Variants in EYS observed in about 807,000 individuals in gnomAD.
EYS encodes the protein protein eyes shut homolog.
A neutral mutation model predicts 282.1 loss-of-function variants in EYS; 250 were observed. The observed-to-expected ratio is 0.89, with a 90% confidence interval of 0.80 to 0.98. The LOEUF (loss-of-function observed/expected upper bound fraction) is 0.98, where lower values mean the gene tolerates loss of function less well. Ranked by LOEUF, EYS falls within the 50% of genes least tolerant of loss-of-function variation. EYS has a pLI of 0.00. For missense variants in EYS, 4,016 were observed against 3,709.0 expected (o/e 1.08, Z -2.15); for synonymous variants, 1,355 against 1,282.9 (o/e 1.06, Z -1.20).
intron 22 of EYS, among the ~76,000 whole-genome samples, chr6:64,689,129 G>T (rs577462177): frequency 6.6e-6 from 1 of 152,198 alleles, no homozygotes; most frequent in South Asian, 2.1e-4. Flanking sequence ...AAAGTCTCAG[G>T]ATACAAAATC....
At chr6:65,326,147 G>A (rs920491057) in intron 11 of EYS, among the ~76,000 whole-genome samples, 1 of 151,814 alleles carries the variant, frequency 6.6e-6, no homozygotes, top group Non-Finnish European at 1.5e-5. Context: ...GAATGTTTTT[G>A]GAGTGTATAC....
intron 35 of EYS, among the ~76,000 whole-genome samples, chr6:63,979,901 A>G (rs1181547521): frequency 6.6e-6 from 1 of 151,940 alleles, no homozygotes; most frequent in African/African-American, 2.4e-5. Flanking sequence ...GCAGAATGAC[A>G]TTTGCTCAGT....
intron 31 of EYS, among the ~76,000 whole-genome samples, chr6:64,168,460 G>T (rs955133690): frequency 3.9e-5 from 6 of 151,970 alleles, no homozygotes; most frequent in African/African-American, 1.5e-4. Context: ...CTAAGCAAGA[G>T]AAATAAAAAC....
chr6:64,060,047 A>G (rs1771112692), intron 33 of EYS, among the ~76,000 whole-genome samples: 1 of 152,138 alleles, frequency 6.6e-6, no homozygotes, highest in Non-Finnish European at 1.5e-5. Flanking sequence ...TGACATGGCA[A>G]CATTTTATGA....
intron 35 of EYS, among the ~76,000 whole-genome samples, chr6:63,959,153 C>A (rs148575229): frequency 0.015 from 2,331 of 152,028 alleles, 59 homozygotes; most frequent in African/African-American, 0.053. Flanking sequence ...TCTAAAAGGA[C>A]CTTAAACAAA....
chr6:65,543,569 G>T (rs1392970955), intron 2 of EYS, among the ~76,000 whole-genome samples: 1 of 151,294 alleles, frequency 6.6e-6, no homozygotes, highest in Non-Finnish European at 1.5e-5. Context: ...ATAGAAAAGG[G>T]AATCTCTCAG....
intron 33 of EYS, among the ~76,000 whole-genome samples, chr6:64,015,647 G>A (rs1000261761): frequency 2.6e-5 from 4 of 152,178 alleles, no homozygotes; most frequent in African/African-American, 9.7e-5. Context: ...AGAAATGTAG[G>A]TGATAGGTGA....
rs923868709 is a variant in EYS, at chr6:64,241,425, C to G, written c.6192-10601G>C. ...AATTTCTGTCTCAATTTCCAATATT[C>G]GACTATTCAGGGATTTGACTTCTTC... On this transcript the variant is annotated intron_variant, in intron 30 of 42. Coordinates refer to ENST00000503581, the MANE Select transcript of EYS (RefSeq NM_001142800.2). Among the ~76,000 whole-genome samples, 6 of 151,664 alleles carry G rather than the reference C, an allele frequency of 4.0e-5. 1 individual carries two copies. In the South Asian group the frequency reaches 1.0e-3, roughly 26 times the overall value.
intron 26 of EYS, among the ~76,000 whole-genome samples, chr6:64,489,710 G>A (rs13212894): frequency 0.32 from 47,446 of 150,026 alleles, 7,592 homozygotes; most frequent in East Asian, 0.5. Context: ...ATTGACATTA[G>A]ATAAATTGAA....
chr6:65,648,535 TA>T (rs1689485217), intron 1 of EYS, among the ~76,000 whole-genome samples: 1 of 152,054 alleles, frequency 6.6e-6, no homozygotes, highest in African/African-American at 2.4e-5. Flanking sequence ...AATGATACAA[TA>T]GACTTTGGGG....
At chr6:65,294,574 AC>A (rs1249814340) in intron 12 of EYS, among the ~76,000 whole-genome samples, 3 of 151,830 alleles carry the variant, frequency 2.0e-5, no homozygotes, top group Non-Finnish European at 4.4e-5. Flanking sequence ...ATAACGTACA[AC>A]CAATATAGAG....
chr6:64,533,887 G>C (rs1764432741), intron 26 of EYS, among the ~76,000 whole-genome samples: 1 of 151,622 alleles, frequency 6.6e-6, no homozygotes. Context: ...ATTGGTTAAA[G>C]CAAACATAAC....
chr6:64,085,595 T>G (rs902800637), intron 31 of EYS, among the ~76,000 whole-genome samples: 1 of 152,182 alleles, frequency 6.6e-6, no homozygotes, highest in African/African-American at 2.4e-5. Context: ...AAGAATACTT[T>G]CTAGTTAAAT....
intron 22 of EYS, among the ~76,000 whole-genome samples, chr6:64,732,275 G>A (rs1772000502): frequency 1.3e-5 from 2 of 150,518 alleles, no homozygotes; most frequent in Admixed American, 1.3e-4. Context: ...AAACCTGCAT[G>A]TTCTGCACAT....
intron 1 of EYS, among the ~76,000 whole-genome samples, chr6:65,658,034 A>G (rs1331500508): frequency 6.6e-6 from 1 of 151,794 alleles, no homozygotes; most frequent in East Asian, 1.9e-4. Context: ...AGATATGCAC[A>G]TTGTTTTTTA....
rs147262616 is a variant in EYS, at chr6:64,450,829, A to C, written c.5645-11477T>G. ...AGCAACGAGAACAAAGACACAACAT[A>C]TCAGAATCTCAGGGACACATTCAAA... On this transcript the variant is annotated intron_variant, in intron 26 of 42. Coordinates refer to ENST00000503581, the MANE Select transcript of EYS (RefSeq NM_001142800.2). Among the ~76,000 whole-genome samples the C allele has an allele frequency of 5.6e-4, 85 of 152,348 alleles. 2 individuals carry two copies. In the East Asian group the frequency reaches 0.011, roughly 20 times the overall value.
At chr6:64,864,247 T>C (rs1366851324) in intron 19 of EYS, among the ~76,000 whole-genome samples, 3 of 151,940 alleles carry the variant, frequency 2.0e-5, no homozygotes, top group Admixed American at 6.6e-5. Context: ...TCATCCACTG[T>C]CCCCCTTGGT....
intron 31 of EYS, among the ~76,000 whole-genome samples, chr6:64,213,257 A>T (rs1038551101): frequency 2.0e-5 from 3 of 151,072 alleles, no homozygotes; most frequent in Non-Finnish European, 4.4e-5. Flanking sequence ...TTTGAAGGGG[A>T]CATTAAAACC....
At chr6:64,063,880 C>T (rs1028538621) in intron 33 of EYS, among the ~76,000 whole-genome samples, 1 of 152,022 alleles carries the variant, frequency 6.6e-6, no homozygotes, top group African/African-American at 2.4e-5. Context: ...CAGGCACGTG[C>T]CACCATGCCT....
Sources: gnomAD v4.1 joint callset for allele counts (sites outside exome capture counted in the v4.1 genomes callset) on GRCh38, gnomAD v4.1.1 for gene constraint, MANE v1.5 for transcripts, NCBI Gene and HGNC (gene_info 2026-07-23, HGNC 2026-07-21) for gene names.